Variants in CCBE1 observed in about 807,000 individuals in gnomAD.
CCBE1 encodes collagen and calcium-binding EGF domain-containing protein 1.
Under a neutral mutation model 50.0 loss-of-function variants are expected in CCBE1, and 37 were observed. The ratio of observed to expected loss-of-function variants is 0.74; its 90% confidence interval spans 0.57 to 0.97. CCBE1 has a LOEUF of 0.97. Ranked by LOEUF, CCBE1 falls within the 50% of genes least tolerant of loss-of-function variation. The probability of loss-of-function intolerance (pLI) is 0.00; values close to 1 mark genes in which losing one functional copy is unlikely to be tolerated. For synonymous variants in CCBE1, 234 were observed against 203.7 expected (o/e 1.15, Z -1.27); for missense variants, 538 against 523.8 (o/e 1.03, Z -0.26).
chr18:59,513,642 G>A (rs1914234718), intron 2 of CCBE1, among the ~76,000 whole-genome samples: 1 of 152,230 alleles, frequency 6.6e-6, no homozygotes, highest in South Asian at 2.1e-4. Flanking sequence ...GATAGCCCAT[G>A]AATCTCGAGG....
chr18:59,447,326 AAGTGGAC>A (rs1405734741), intron 7 of CCBE1, among the ~76,000 whole-genome samples: 2 of 152,188 alleles, frequency 1.3e-5, no homozygotes, highest in African/African-American at 4.8e-5. Context: ...GGAGTTGGGG[AAGTGGAC>A]ATGTGCACAT....
At chr18:59,535,614 T>C (rs1215027503) in intron 2 of CCBE1, among the ~76,000 whole-genome samples, 1 of 152,140 alleles carries the variant, frequency 6.6e-6, no homozygotes, top group East Asian at 1.9e-4. Flanking sequence ...ATGCTCTTAA[T>C]AGCTGAAAAA....
At chr18:59,496,946 A>G (rs532157448) in intron 2 of CCBE1, among the ~76,000 whole-genome samples, 5 of 152,300 alleles carry the variant, frequency 3.3e-5, no homozygotes, top group South Asian at 4.1e-4. Context: ...TGATTCTACC[A>G]CTTGCTCATT....
chr18:59,586,931 T>A (rs1292398218), intron 2 of CCBE1, among the ~76,000 whole-genome samples: 1 of 152,180 alleles, frequency 6.6e-6, no homozygotes, highest in Non-Finnish European at 1.5e-5. Context: ...GATAGCAAAC[T>A]TTCCATGAGT....
At chr18:59,522,886 G>A (rs969118066) in intron 2 of CCBE1, among the ~76,000 whole-genome samples, 5 of 151,440 alleles carry the variant, frequency 3.3e-5, no homozygotes, top group African/African-American at 1.2e-4. Context: ...CAGCTACTCG[G>A]GAGGCTGCAG....
rs764014065 is a variant in CCBE1, at chr18:59,696,756, G to A, written c.132-47C>T. 7.5e-6 allele frequency: 12 copies of A among 1,594,722 alleles called. No homozygotes were observed. In the South Asian group the frequency reaches 1.2e-4, roughly 16 times the overall value. The stretch of plus-strand genomic sequence containing the variant: ...ATGTTCGATTCTCAGCGGGAGAGCG[G>A]AGGCGGGCAGCGCGCGCTGGGGAAT... On this transcript the variant is annotated intron_variant, in intron 1 of 10. Transcript: ENST00000439986.
At chr18:59,463,504 G>C (rs768093087) in intron 5 of CCBE1, among the ~76,000 whole-genome samples, 16 of 152,210 alleles carry the variant, frequency 1.1e-4, no homozygotes, top group Non-Finnish European at 2.2e-4. Flanking sequence ...GGAGGATCTA[G>C]GAATTACTGC....
intron 2 of CCBE1, among the ~76,000 whole-genome samples, chr18:59,513,846 C>T (rs1407681914): frequency 2.4e-4 from 37 of 152,168 alleles, no homozygotes; most frequent in Non-Finnish European, 5.9e-5. Context: ...CAAGCCTGTG[C>T]TCCTTCTGTT....
chr18:59,539,496 T>C (rs1201374313), intron 2 of CCBE1, among the ~76,000 whole-genome samples: 2 of 152,148 alleles, frequency 1.3e-5, no homozygotes, highest in Non-Finnish European at 2.9e-5. Context: ...GACTCTGAAG[T>C]AGAGGACTCA....
intron 2 of CCBE1, among the ~76,000 whole-genome samples, chr18:59,612,626 G>A (rs2053585733): frequency 6.6e-6 from 1 of 152,140 alleles, no homozygotes; most frequent in Non-Finnish European, 1.5e-5. Flanking sequence ...GACTTGGACA[G>A]CTGAAATAAA....
intron 2 of CCBE1, among the ~76,000 whole-genome samples, chr18:59,510,762 A>C (rs1008595001): frequency 1.3e-5 from 2 of 152,166 alleles, no homozygotes; most frequent in Non-Finnish European, 2.9e-5. Flanking sequence ...CTTATCACTA[A>C]AATTCTTCCA....
Position 59,455,392 on chromosome 18 carries a change from G to A in CCBE1, c.554-441C>T, listed in dbSNP as rs112013903. Reference sequence around the variant, plus strand: ...TGCCTTTATCACCTCTGCTAATCCAGTTCTTCAAAGGGAGCACAGCAGTGG... The same window carrying A: ...TGCCTTTATCACCTCTGCTAATCCAATTCTTCAAAGGGAGCACAGCAGTGG... On this transcript the variant is annotated intron_variant, in intron 5 of 10. Coordinates refer to ENST00000439986, the MANE Select transcript of CCBE1 (RefSeq NM_133459.4). Among the ~76,000 whole-genome samples, 547 of 152,260 alleles carry A rather than the reference G, an allele frequency of 3.6e-3. 4 individuals carry two copies. The highest frequency in any genetic ancestry group is 0.012 in the African/African-American group (506 of 41,540).
chr18:59,447,216 T>C (rs1282207581), intron 7 of CCBE1, among the ~76,000 whole-genome samples: 1 of 152,134 alleles, frequency 6.6e-6, no homozygotes, highest in East Asian at 1.9e-4. Context: ...CATACGTATA[T>C]ATGTGTGTGT....
At chr18:59,497,142 T>C (rs1170250065) in intron 2 of CCBE1, among the ~76,000 whole-genome samples, 1 of 148,212 alleles carries the variant, frequency 6.7e-6, no homozygotes, top group African/African-American at 2.7e-5. Context: ...TAGTAGCTAT[T>C]ATTATCATCT....
intron 2 of CCBE1, among the ~76,000 whole-genome samples, chr18:59,593,592 G>A (rs1025593484): frequency 3.3e-5 from 5 of 152,166 alleles, no homozygotes; most frequent in African/African-American, 1.2e-4. Context: ...GGTGAAAGAG[G>A]CCTAGTGTTC....
chr18:59,522,971 A>C (rs997321833), intron 2 of CCBE1, among the ~76,000 whole-genome samples: 1 of 133,974 alleles, frequency 7.5e-6, no homozygotes, highest in Non-Finnish European at 1.6e-5. Flanking sequence ...CAGCCTGGGC[A>C]ACAGAGTGAG....
intron 2 of CCBE1, among the ~76,000 whole-genome samples, chr18:59,554,492 A>G (rs1242768275): frequency 6.6e-6 from 1 of 152,216 alleles, no homozygotes; most frequent in Non-Finnish European, 1.5e-5. Flanking sequence ...TGATTTTGCC[A>G]TTAAGCCAAA....
rs1360613614 is a variant in CCBE1, at chr18:59,438,913, G to A, written c.951+630C>T. 2.0e-5 allele frequency among the ~76,000 whole-genome samples: 3 copies of A among 152,132 alleles called. No homozygotes were observed. In the East Asian group the frequency reaches 5.8e-4, roughly 29 times the overall value. On this transcript the variant is annotated intron_variant, in intron 9 of 10. Coordinates refer to ENST00000439986, the MANE Select transcript of CCBE1 (RefSeq NM_133459.4). ...ACCTGTAATACCAGCACTTTGGGAG[G>A]CTGAGACGGGCAGATCACCTGGGGT...
At chr18:59,559,049 G>A (rs1317696759) in intron 2 of CCBE1, among the ~76,000 whole-genome samples, 2 of 152,184 alleles carry the variant, frequency 1.3e-5, no homozygotes, top group Non-Finnish European at 2.9e-5. Context: ...TGAGGTGAGT[G>A]GGTCTTCAGT....
Sources: allele counts gnomAD v4.1 joint callset (sites outside exome capture counted in the v4.1 genomes callset), GRCh38; gene constraint gnomAD v4.1.1; transcripts MANE v1.5; gene names NCBI Gene and HGNC (gene_info 2026-07-23, HGNC 2026-07-21).